The following MECOM variants were observed in gnomAD, a reference collection of about 807,000 sequenced individuals.
MECOM encodes the protein histone-lysine N-methyltransferase MECOM.
Under a neutral mutation model 116.3 loss-of-function variants are expected in MECOM, and 13 were observed. The ratio of observed to expected loss-of-function variants is 0.11; its 90% CI spans 0.07 to 0.18. The LOEUF is 0.18. MECOM is among the 10% of genes least tolerant of loss of function. MECOM has a pLI of 1.00. For missense variants in MECOM, 1,299 were observed against 1,509.0 expected, an observed-to-expected ratio of 0.86 and a Z score of 2.31; for synonymous variants, 528 against 535.2, an observed-to-expected ratio of 0.99 and a Z score of 0.19.
At chr3:169,344,838 A>T (rs1421712538) in intron 2 of MECOM, among the ~76,000 whole-genome samples, 1 of 152,162 alleles carries the variant, frequency 6.6e-6, no homozygotes, top group Non-Finnish European at 1.5e-5. Context: ...GCTTCCTGTC[A>T]ACCTTTGATC....
At chr3:169,480,519 C>T (rs1200259702) in intron 1 of MECOM, among the ~76,000 whole-genome samples, 2 of 152,098 alleles carry the variant, frequency 1.3e-5, no homozygotes, top group African/African-American at 4.8e-5. Context: ...TCTCTTTAGT[C>T]ACTTTGCCCG....
chr3:169,250,716 G>A (rs1374530143), intron 2 of MECOM, among the ~76,000 whole-genome samples: 1 of 152,094 alleles, frequency 6.6e-6, no homozygotes, highest in Non-Finnish European at 1.5e-5. Context: ...ATTTGAGTAT[G>A]CATGAACTAT....
chr3:169,306,570 T>C (rs887194798), intron 2 of MECOM, among the ~76,000 whole-genome samples: 2 of 152,126 alleles, frequency 1.3e-5, no homozygotes, highest in East Asian at 1.9e-4. Flanking sequence ...TAATCCCAGC[T>C]ACTCAAAGGC....
intron 1 of MECOM, among the ~76,000 whole-genome samples, chr3:169,633,786 A>G (rs1383376617): frequency 6.6e-6 from 1 of 152,012 alleles, no homozygotes; most frequent in South Asian, 2.1e-4. Flanking sequence ...GGGGGTCAAG[A>G]TGAAGGGAAA....
chr3:169,563,130 C>T (rs927901197), intron 1 of MECOM, among the ~76,000 whole-genome samples: 4 of 150,970 alleles, frequency 2.6e-5, no homozygotes, highest in Non-Finnish European at 4.4e-5. Flanking sequence ...GGGTCACATT[C>T]TAAGTCTGTT....
At position 169,409,850 on chromosome 3, in the gene MECOM, C is replaced by G. The variant is rs79825101; in HGVS notation, c.38-28326G>C. 9.9e-3 allele frequency among the ~76,000 whole-genome samples: 1,512 copies of G among 152,292 alleles called. 12 individuals carry two copies. The highest frequency in any genetic ancestry group is 0.014 in the Non-Finnish European group (936 of 68,024). ...TAGGCTGATCATTATAATTTTAACA[C>G]TACTGAGAGGATAGTAACCTAAAGT... is the stretch of plus-strand genomic sequence containing the variant. On this transcript the variant is annotated intron_variant, in intron 1 of 16. Coordinates refer to ENST00000651503, the MANE Select transcript of MECOM (RefSeq NM_004991.4).
At chr3:169,331,112 A>T (rs1036405399) in intron 2 of MECOM, among the ~76,000 whole-genome samples, 1 of 152,120 alleles carries the variant, frequency 6.6e-6, no homozygotes, top group Non-Finnish European at 1.5e-5. Context: ...CTGTACAAAC[A>T]TCCTAACTAT....
At chr3:169,329,732 A>G (rs1722428934) in intron 2 of MECOM, among the ~76,000 whole-genome samples, 1 of 152,214 alleles carries the variant, frequency 6.6e-6, no homozygotes, top group Non-Finnish European at 1.5e-5. Flanking sequence ...ATTATTTTAG[A>G]TTTGAATTCT....
At chr3:169,164,834 C>T (rs1349854972) in intron 2 of MECOM, among the ~76,000 whole-genome samples, 5 of 152,108 alleles carry the variant, frequency 3.3e-5, no homozygotes, top group Non-Finnish European at 5.9e-5. Flanking sequence ...TCTGTCCTTG[C>T]TATTTGTTTC....
At chr3:169,484,367 T>C (rs1034093745) in intron 1 of MECOM, among the ~76,000 whole-genome samples, 1 of 151,610 alleles carries the variant, frequency 6.6e-6, no homozygotes, top group Non-Finnish European at 1.5e-5. Flanking sequence ...ATATGGAAGG[T>C]AAAAGGTAAC....
In MECOM at chr3:169,594,430, C is replaced by T. The variant is rs185642824; in HGVS notation, c.37+68906G>A. Among the ~76,000 whole-genome samples the T allele has an allele frequency of 5.9e-5, 9 of 152,114 alleles. No homozygotes were observed. In the East Asian group the frequency reaches 1.7e-3, roughly 30 times the overall value. On this transcript the variant is annotated intron_variant, in intron 1 of 16. Transcript: ENST00000651503. ...CCTGGACTAGCAGTATCAGCATCACCTAGAAAGTCAAATTCTTAGGCCCCA... is the reference window on the plus strand; with the variant it reads ...CCTGGACTAGCAGTATCAGCATCACTTAGAAAGTCAAATTCTTAGGCCCCA...
chr3:169,371,593 C>T (rs554946793), intron 2 of MECOM, among the ~76,000 whole-genome samples: 19 of 151,828 alleles, frequency 1.3e-4, no homozygotes, highest in African/African-American at 4.6e-4. Flanking sequence ...TTGTGGTAAT[C>T]ATTTTACAAT....
intron 1 of MECOM, among the ~76,000 whole-genome samples, chr3:169,592,143 C>G (rs1766497581): frequency 6.6e-6 from 1 of 152,202 alleles, no homozygotes; most frequent in African/African-American, 2.4e-5. Flanking sequence ...CAGAGTCACA[C>G]TGCCAGAAAC....
At chr3:169,191,441 A>G (rs1487183003) in intron 2 of MECOM, among the ~76,000 whole-genome samples, 1 of 151,920 alleles carries the variant, frequency 6.6e-6, no homozygotes, top group East Asian at 1.9e-4. Context: ...ACCTAAAGGA[A>G]AAGGGAGAAT....
At chr3:169,183,649 G>A (rs906781958) in intron 2 of MECOM, among the ~76,000 whole-genome samples, 1 of 151,830 alleles carries the variant, frequency 6.6e-6, no homozygotes, top group Non-Finnish European at 1.5e-5. Flanking sequence ...GCTATAAGCT[G>A]GGGTAGAAAT....
At chr3:169,141,965 C>T (rs531715808) in intron 3 of MECOM, among the ~76,000 whole-genome samples, 41 of 151,986 alleles carry the variant, frequency 2.7e-4, no homozygotes, top group Non-Finnish European at 4.9e-4. Context: ...TAAGTAAACA[C>T]GCTATTCATT....
chr3:169,563,784 G>A (rs1278499540), intron 1 of MECOM, among the ~76,000 whole-genome samples: 3 of 152,176 alleles, frequency 2.0e-5, no homozygotes, highest in Admixed American at 6.5e-5. Context: ...GAAAGAAAAT[G>A]AAGCTGAGTC....
At chr3:169,519,556 T>G (rs182524634) in intron 1 of MECOM, among the ~76,000 whole-genome samples, 1 of 152,240 alleles carries the variant, frequency 6.6e-6, no homozygotes, top group Admixed American at 6.5e-5. Flanking sequence ...GTTTGTACTA[T>G]GTAAAATGCC....
At chr3:169,610,802 G>C (rs990377922) in intron 1 of MECOM, among the ~76,000 whole-genome samples, 1 of 152,148 alleles carries the variant, frequency 6.6e-6, no homozygotes. Flanking sequence ...AGCTCTATGA[G>C]AGCAGGGACC....
Sources: gnomAD v4.1 joint callset for allele counts (sites outside exome capture counted in the v4.1 genomes callset) on GRCh38, gnomAD v4.1.1 for gene constraint, MANE v1.5 for transcripts, NCBI Gene and HGNC (gene_info 2026-07-23, HGNC 2026-07-21) for gene names.